Variants in DNAJC10 observed in about 807,000 individuals in gnomAD.
The protein encoded by DNAJC10 is DnaJ heat shock protein family (Hsp40) member C10.
Under a neutral mutation model 115.0 loss-of-function variants are expected in DNAJC10, and 101 were observed. That is an observed-to-expected ratio of 0.88 (90% CI 0.75 to 1.04). The LOEUF is 1.04. Ranked by LOEUF, DNAJC10 falls within the 50% of genes least tolerant of loss-of-function variation. The pLI, the probability that DNAJC10 is intolerant of heterozygous loss-of-function variation, is 0.00. For missense variants in DNAJC10, 981 were observed against 928.8 expected (o/e 1.06, Z -0.73); for synonymous variants, 307 against 301.5 (o/e 1.02, Z -0.19).
rs1693392698 is a variant in DNAJC10, at chr2:182,729,758, T to A, written c.634-90T>A. On this transcript the variant is annotated intron_variant, in intron 7 of 23. Transcript: ENST00000264065. ...TAGAGCTTTGCTGCATTATTCAAGA[T>A]AATGTAAAAATCAAACTCTTTGGTA... The A allele has an allele frequency of 9.1e-6, 7 of 771,046 alleles. No individual in the cohort carries two copies. In the South Asian group the frequency reaches 1.4e-4, roughly 15 times the overall value. The allele number at this position is 771,046 out of a possible 1,614,324, so 47.8% of individuals were successfully genotyped here.
intron 19 of DNAJC10, among the ~76,000 whole-genome samples, chr2:182,758,225 T>G (rs1274586309): frequency 2.0e-5 from 3 of 152,160 alleles, no homozygotes; most frequent in African/African-American, 7.2e-5. Flanking sequence ...ATCCAAGGTC[T>G]AGGAGTTATC....
chr2:182,716,749 TC>T (rs985471607), intron 1 of DNAJC10, among the ~76,000 whole-genome samples: 29 of 152,064 alleles, frequency 1.9e-4, no homozygotes, highest in African/African-American at 7.0e-4. Context: ...ACAGCCCTGT[TC>T]CCCCGTGTCT....
At position 182,751,721 on chromosome 2, in the gene DNAJC10, C is replaced by T. The variant is rs377272109; in HGVS notation, c.1370C>T (p.Thr457Met). 1.9e-5 allele frequency: 30 copies of T among 1,613,768 alleles called. No individual in the cohort carries two copies. Among genetic ancestry groups the T allele is most frequent in the Middle Eastern group, 1.6e-4 (1 of 6,082 alleles). The change falls in exon 15 of 24, where the codon ACG becomes ATG. Residue 457 changes from threonine (T) to methionine (M), a missense_variant. Transcript: ENST00000264065. ...AKESVNSHVT[T>M]LGPQNFPAND... ...GAAAGTGTGAATTCTCATGTTACCA[C>T]GCTTGGACCTCAAAATTTTCCTGCC...
intron 13 of DNAJC10, among the ~76,000 whole-genome samples, 170 bp from the exon 14 acceptor site, chr2:182,743,428 C>G (rs1693786044): frequency 6.6e-6 from 1 of 151,986 alleles, no homozygotes; most frequent in Admixed American, 6.6e-5. Context: ...TAAATTGAGT[C>G]TTAATATTAA....
intron 22 of DNAJC10, among the ~76,000 whole-genome samples, chr2:182,764,168 AATT>A (rs1694354973): frequency 6.6e-6 from 1 of 152,132 alleles, no homozygotes; most frequent in South Asian, 2.1e-4. Context: ...TCACAATGTA[AATT>A]TTGACGGGTA....
At chr2:182,762,547 T>A in intron 21 of DNAJC10, 135 bp from the exon 22 acceptor site, 3 of 909,340 alleles carry the variant, frequency 3.3e-6, no homozygotes, top group Non-Finnish European at 4.8e-6. Context: ...GTGGAAATAA[T>A]CTTGTTTGAG....
chr2:182,746,331 C>G (rs1693865059), intron 14 of DNAJC10, among the ~76,000 whole-genome samples: 1 of 152,148 alleles, frequency 6.6e-6, no homozygotes, highest in Admixed American at 6.5e-5. Flanking sequence ...AATGGTTGAA[C>G]TAGTTTACAG....
chr2:182,756,206 C>G, intron 17 of DNAJC10, 108 bp from the exon 18 acceptor site: 1 of 941,432 alleles, frequency 1.1e-6, no homozygotes. Context: ...CTCAATACTT[C>G]CAAGTATTTT....
At chr2:182,730,535 G>C (rs1330182976) in intron 8 of DNAJC10, 2 of 453,402 alleles carry the variant, frequency 4.4e-6, no homozygotes, top group Non-Finnish European at 8.9e-6. Flanking sequence ...TTATTATAGA[G>C]CTTAAGGGAG....
intron 17 of DNAJC10, among the ~76,000 whole-genome samples, chr2:182,756,110 A>G (rs1694149591): frequency 2.6e-5 from 4 of 152,186 alleles, no homozygotes; most frequent in African/African-American, 9.6e-5. Context: ...AAAATCTTAA[A>G]TCTGAAATGC....
At chr2:182,775,251 T>A in intron 22 of DNAJC10, 65 bp from the exon 23 acceptor site, 2 of 1,030,384 alleles carry the variant, frequency 1.9e-6, no homozygotes, top group South Asian at 3.0e-5. Flanking sequence ...TTAATCAAGT[T>A]TCTTAGGTGG....
chr2:182,761,143 C>G (rs1694276012), intron 21 of DNAJC10, among the ~76,000 whole-genome samples: 1 of 151,810 alleles, frequency 6.6e-6, no homozygotes, highest in South Asian at 2.1e-4. Flanking sequence ...AGATTTTAAT[C>G]TAGTGGAAAG....
In DNAJC10 at chr2:182,784,843, G is replaced by A. The variant is rs922274537; in HGVS notation, c.*7711G>A. ...TTGCTCTGTGTAAATCCCTCTGATA[G>A]GCTTCCCTGAAGGATTTTAAGCAGA... On this transcript the variant is annotated 3_prime_UTR_variant, in exon 24 of 24. Coordinates refer to ENST00000264065, the MANE Select transcript of DNAJC10 (RefSeq NM_018981.4). 1.3e-5 allele frequency: 2 copies of A among 152,096 alleles called. No homozygotes were observed. The highest frequency in any genetic ancestry group is 4.8e-5 in the African/African-American group (2 of 41,398). 9.4% of individuals were successfully genotyped at this position (152,096 alleles called of 1,614,324 possible). A position where few individuals can be genotyped will look rare whatever the true frequency, so the allele number is the denominator to read the frequency against.
rs1446830573 is a variant in DNAJC10 at position 182,772,620 on chromosome 2, G to A, written c.2266-2696G>A. On this transcript the variant is annotated intron_variant, in intron 22 of 23. Coordinates refer to ENST00000264065, the MANE Select transcript of DNAJC10 (RefSeq NM_018981.4). ...TGTTGGTTTAAAATCTGTTTTATCA[G>A]AGACTAGGATTGCAACCCATGGTGT... Among the ~76,000 whole-genome samples the A allele has an allele frequency of 2.0e-5, 3 of 152,098 alleles. No individual in the cohort carries two copies. The East Asian group carries it at 5.8e-4, about 29-fold the overall frequency.
rs1174465315 is a variant in DNAJC10 at position 182,791,097 on chromosome 2, C to CA, written c.*13966dup. 12 of 152,152 alleles carry CA rather than the reference C, an allele frequency of 7.9e-5. No individual in the cohort carries two copies. The highest frequency in any genetic ancestry group is 2.7e-4 in the African/African-American group (11 of 41,508). The allele number at this position is 152,152 out of a possible 1,614,324, so 9.4% of individuals were successfully genotyped here. ...CATAAATTTAGTGGATAAATACCCC[C>CA]ACAGAGATCGACCCTGCATGAAATG... is the stretch of plus-strand genomic sequence containing the variant. On this transcript the variant is annotated 3_prime_UTR_variant, in exon 24 of 24. Coordinates refer to ENST00000264065, the MANE Select transcript of DNAJC10 (RefSeq NM_018981.4).
rs554339695 is a variant in DNAJC10 at position 182,792,819 on chromosome 2, A to G, written c.*15687A>G. 1 of 152,346 alleles carries G rather than the reference A, an allele frequency of 6.6e-6. No homozygotes were observed. The highest frequency in any genetic ancestry group is 2.1e-4 in the South Asian group (1 of 4,830). 9.4% of individuals were successfully genotyped at this position (152,346 alleles called of 1,614,324 possible). On this transcript the variant is annotated 3_prime_UTR_variant, in exon 24 of 24. Transcript: ENST00000264065. Reference sequence around the variant, plus strand: ...GCAAACATTTATTTGAGTACTTACAATGTGCTAGGCTTTGTTCTATGCATT... The same window carrying G: ...GCAAACATTTATTTGAGTACTTACAGTGTGCTAGGCTTTGTTCTATGCATT...
intron 5 of DNAJC10, among the ~76,000 whole-genome samples, chr2:182,726,170 G>A (rs1297442050): frequency 6.6e-6 from 1 of 152,126 alleles, no homozygotes; most frequent in Non-Finnish European, 1.5e-5. Context: ...AGGTGTTCAA[G>A]GCTTCAATGG....
Position 182,787,959 on chromosome 2 carries a change from GTC to G in DNAJC10, c.*10831_*10832del, listed in dbSNP as rs1217836569. 1 of 152,058 alleles carries G rather than the reference GTC, an allele frequency of 6.6e-6. No individual in the cohort carries two copies. The highest frequency in any genetic ancestry group is 1.5e-5 in the Non-Finnish European group (1 of 68,022). 9.4% of individuals were successfully genotyped at this position (152,058 alleles called of 1,614,324 possible). A position where few individuals can be genotyped will look rare whatever the true frequency, so the allele number is the denominator to read the frequency against. On this transcript the variant is annotated 3_prime_UTR_variant, in exon 24 of 24. Coordinates refer to ENST00000264065, the MANE Select transcript of DNAJC10 (RefSeq NM_018981.4). ...TAAAGAATGATTTTAGGAATTAGGT[GTC>G]TCTAAATTGAAGTAATGCTCACATA...
chr2:182,791,638 A>C lies in DNAJC10; in HGVS notation c.*14506A>C, dbSNP rs531686800. The C allele has an allele frequency of 1.3e-5, 2 of 152,288 alleles. No individual in the cohort carries two copies. Among genetic ancestry groups the C allele is most frequent in the East Asian group, 3.9e-4 (2 of 5,188 alleles). The allele number at this position is 152,288 out of a possible 1,614,324, so 9.4% of individuals were successfully genotyped here. ...TCTTGACAAGTGAAACCTGGCTCCAACAATGACTACTTTATTCTACCTCTC... is the reference window on the plus strand; with the variant it reads ...TCTTGACAAGTGAAACCTGGCTCCACCAATGACTACTTTATTCTACCTCTC... On this transcript the variant is annotated 3_prime_UTR_variant, in exon 24 of 24. Transcript: ENST00000264065.
Sources: gnomAD v4.1 joint callset for allele counts (sites outside exome capture counted in the v4.1 genomes callset) on GRCh38, gnomAD v4.1.1 for gene constraint, MANE v1.5 for transcripts, NCBI Gene and HGNC (gene_info 2026-07-23, HGNC 2026-07-21) for gene names.